The following PSMG2 variants were observed in gnomAD, a reference collection of about 807,000 sequenced individuals.
PSMG2 encodes proteasome assembly chaperone 2, also known as CD40 ligand-activated specific transcript 3.
Under a neutral mutation model 31.5 loss-of-function variants are expected in PSMG2, and 21 were observed. That is an observed-to-expected ratio of 0.67 (90% CI 0.47 to 0.96). The LOEUF is 0.96. Among genes scored for constraint, PSMG2 ranks in the 40% least tolerant of loss-of-function variants. PSMG2 has a pLI of 0.00. For synonymous variants in PSMG2, 120 were observed against 110.4 expected (o/e 1.09, Z -0.54); for missense variants, 318 against 321.2 (o/e 0.99, Z 0.08).
At chr18:12,713,151 T>C (rs1302488027) in intron 3 of PSMG2, among the ~76,000 whole-genome samples, 4 of 152,190 alleles carry the variant, frequency 2.6e-5, no homozygotes, top group Non-Finnish European at 5.9e-5. Context: ...ACTGCTGTCA[T>C]TGAGTGCAAA....
At chr18:12,685,636 T>C (rs1664156263) in intron 1 of PSMG2, 1 of 129,892 alleles carries the variant, frequency 7.7e-6, no homozygotes. Context: ...TATAAAATAG[T>C]ATTTTTTTTT....
intron 3 of PSMG2, among the ~76,000 whole-genome samples, chr18:12,714,563 G>C (rs553962494): frequency 6.7e-6 from 1 of 149,264 alleles, no homozygotes; most frequent in East Asian, 2.0e-4. Flanking sequence ...GCGTGATCTT[G>C]GCTCACTGCA....
intron 1 of PSMG2, chr18:12,697,216 A>G: frequency 1.9e-6 from 3 of 1,588,490 alleles, no homozygotes; most frequent in Non-Finnish European, 2.6e-6. Context: ...TATATTAATC[A>G]CCATACCTAC....
chr18:12,663,631 G>A (rs1365494358), intron 1 of PSMG2, among the ~76,000 whole-genome samples: 1 of 152,166 alleles, frequency 6.6e-6, no homozygotes, highest in Non-Finnish European at 1.5e-5. Context: ...GCTTAAAAAT[G>A]GAGAATTATC....
intron 1 of PSMG2, chr18:12,674,827 A>C (rs1168577391): frequency 1.1e-6 from 1 of 886,722 alleles, no homozygotes; most frequent in African/African-American, 1.7e-5. Flanking sequence ...AAAAATGTTG[A>C]TTATTTTAAT....
intron 5 of PSMG2, 142 bp downstream of exon 5, chr18:12,720,825 CAA>C (rs2040423959): frequency 1.2e-6 from 1 of 852,984 alleles, no homozygotes; most frequent in Non-Finnish European, 1.7e-6. Flanking sequence ...ACAAAAAAAA[CAA>C]AATTAAGTCA....
chr18:12,707,788 T>C (rs1301581662), intron 2 of PSMG2, among the ~76,000 whole-genome samples: 2 of 152,228 alleles, frequency 1.3e-5, no homozygotes, highest in Non-Finnish European at 2.9e-5. Context: ...GAAAGGCCTT[T>C]GGTGAATTGA....
chr18:12,668,638 G>T (rs1285154745), intron 1 of PSMG2, among the ~76,000 whole-genome samples: 4 of 119,710 alleles, frequency 3.3e-5, no homozygotes, highest in Admixed American at 9.4e-5. Context: ...AATAGTGAAT[G>T]TACTTAATCC....
Position 12,703,145 on chromosome 18 carries a change from C to G in PSMG2, c.38C>G (p.Ala13Gly), listed in dbSNP as rs776521420. ...VPCGESAPDL[A>G]GFTLLMPAVS... ...TGCGGGGAGTCGGCCCCCGACCTTGCCGGCTTCACCCTCCTAATGGTGAGT... is the reference window on the plus strand; with the variant it reads ...TGCGGGGAGTCGGCCCCCGACCTTGGCGGCTTCACCCTCCTAATGGTGAGT... Residue 13 changes from alanine to glycine, a missense_variant, in exon 1 of 7, where the codon GCC becomes GGC. Physicochemically the swap from Ala to Gly is moderately conservative, Grantham distance 60. Transcript: ENST00000317615. The G allele has an allele frequency of 1.2e-6, 2 of 1,611,666 alleles. No homozygotes were observed. The highest frequency in any genetic ancestry group is 1.7e-6 in the Non-Finnish European group (2 of 1,179,310).
At position 12,703,077 on chromosome 18, in the gene PSMG2, G is replaced by T. The variant is rs770794613; in HGVS notation, c.-31G>T. ...TGCCCTCGTTCTTGCCAGGGCCGCGGTTAGTCCCTGCTGGCCACCCCACTG... is the reference window on the plus strand; with the variant it reads ...TGCCCTCGTTCTTGCCAGGGCCGCGTTTAGTCCCTGCTGGCCACCCCACTG... On this transcript the variant is annotated 5_prime_UTR_variant, in exon 1 of 7. Transcript: ENST00000317615. 6.2e-7 allele frequency: 1 copy of T among 1,607,978 alleles called. No homozygotes were observed. Among genetic ancestry groups the T allele is most frequent in the Non-Finnish European group, 8.5e-7 (1 of 1,177,710 alleles).
At chr18:12,725,317 A>G (rs2040466047) in intron 6 of PSMG2, 122 bp from the exon 7 acceptor site, 2 of 691,082 alleles carry the variant, frequency 2.9e-6, no homozygotes, top group African/African-American at 1.9e-5. Flanking sequence ...TTCCTTAACA[A>G]TAAAACCTGG....
At position 12,677,422 on chromosome 18, in the gene PSMG2, G is replaced by A. The variant is rs190955833; in HGVS notation, c.-37+18649G>A. On this transcript the variant is annotated intron_variant, in intron 1 of 6. Transcript: ENST00000585331. Reference sequence around the variant, plus strand: ...CACTGTGCCAAGATCACGCCACTGCGCTCCAGCCTGGGTGACAGAGCGAGA... The same window carrying A: ...CACTGTGCCAAGATCACGCCACTGCACTCCAGCCTGGGTGACAGAGCGAGA... Among the ~76,000 whole-genome samples the A allele has an allele frequency of 5.1e-4, 69 of 136,506 alleles. 1 individual carries two copies. In the East Asian group the frequency reaches 0.015, roughly 29 times the overall value. 89.6% of individuals were successfully genotyped at this position (136,506 alleles called of 152,430 possible). A position where few individuals can be genotyped will look rare whatever the true frequency, so the allele number is the denominator to read the frequency against.
intron 1 of PSMG2, chr18:12,695,295 G>T (rs1279098366): frequency 3.8e-6 from 6 of 1,569,962 alleles, no homozygotes; most frequent in Non-Finnish European, 5.2e-6. Context: ...TGATTGAGTG[G>T]TGGATACATT....
intron 3 of PSMG2, among the ~76,000 whole-genome samples, chr18:12,714,544 A>G (rs988437211): frequency 5.3e-5 from 8 of 150,046 alleles, no homozygotes; most frequent in African/African-American, 2.0e-4. Flanking sequence ...CCCAGGCTGG[A>G]ATGCAGTGGC....
intron 1 of PSMG2, among the ~76,000 whole-genome samples, chr18:12,668,478 G>A (rs1598606721): frequency 6.6e-6 from 1 of 150,670 alleles, no homozygotes; most frequent in East Asian, 2.0e-4. Flanking sequence ...GTGTGCACCT[G>A]TGGTCCCAGC....
chr18:12,695,669 C>A (rs1484093247), intron 1 of PSMG2, among the ~76,000 whole-genome samples: 1 of 152,086 alleles, frequency 6.6e-6, no homozygotes, highest in East Asian at 1.9e-4. Context: ...CCTCAGCCTT[C>A]CAAAGTGCTT....
intron 1 of PSMG2, among the ~76,000 whole-genome samples, chr18:12,689,219 T>C (rs1176586310): frequency 6.6e-6 from 1 of 152,248 alleles, no homozygotes; most frequent in African/African-American, 2.4e-5. Context: ...CTATTGTTTT[T>C]ATAATTAGAT....
At chr18:12,695,433 G>A in intron 1 of PSMG2, 1 of 538,614 alleles carries the variant, frequency 1.9e-6, no homozygotes. Flanking sequence ...AAATAATTTA[G>A]GCACTTGGGT....
chr18:12,678,031 C>T lies in PSMG2; in HGVS notation c.-37+19258C>T, dbSNP rs141700810. ...TTCAGGGCTAGAATAGTGACTGGCA[C>T]TATCACACACACCAAAAAACAGTTA... On this transcript the variant is annotated intron_variant, in intron 1 of 6. Transcript: ENST00000585331. 7.7e-4 allele frequency: 871 copies of T among 1,127,966 alleles called. 5 individuals are homozygous for T. In the African/African-American group the frequency reaches 0.012, roughly 15 times the overall value. 69.9% of individuals were successfully genotyped at this position (1,127,966 alleles called of 1,614,324 possible). A position where few individuals can be genotyped will look rare whatever the true frequency, so the allele number is the denominator to read the frequency against.
Sources: allele counts gnomAD v4.1 joint callset (sites outside exome capture counted in the v4.1 genomes callset), GRCh38; gene constraint gnomAD v4.1.1; transcripts MANE v1.5; gene names NCBI Gene and HGNC (gene_info 2026-07-23, HGNC 2026-07-21).